The following SULT4A1 variants were observed in gnomAD, a reference collection of about 807,000 sequenced individuals.
SULT4A1 encodes sulfotransferase family 4A member 1.
A neutral mutation model predicts 35.2 loss-of-function variants in SULT4A1; 11 were observed. The ratio of observed to expected loss-of-function variants is 0.31; its 90% CI spans 0.20 to 0.52. The LOEUF (loss-of-function observed/expected upper bound fraction) is 0.52. Ranked by LOEUF, SULT4A1 falls within the 20% of genes least tolerant of loss-of-function variation. The pLI is 0.97. For synonymous variants in SULT4A1, 152 were observed against 151.8 expected (o/e 1.00, Z -0.01); for missense variants, 271 against 383.7 (o/e 0.71, Z 2.45).
At chr22:43,846,346 C>T (rs182135614) in intron 1 of SULT4A1, among the ~76,000 whole-genome samples, 1 of 152,356 alleles carries the variant, frequency 6.6e-6, no homozygotes, top group Non-Finnish European at 1.5e-5. Context: ...CCAGAAAAAG[C>T]CTGCAAATTC....
chr22:43,826,408 G>A, intron 6 of SULT4A1: 1 of 985,396 alleles, frequency 1.0e-6, no homozygotes, highest in Non-Finnish European at 1.2e-6. Context: ...GGGCCCACCA[G>A]GGAGACTCTA....
chr22:43,827,828 C>A (rs539794519), intron 6 of SULT4A1, among the ~76,000 whole-genome samples: 1 of 151,664 alleles, frequency 6.6e-6, no homozygotes, highest in East Asian at 1.9e-4. Context: ...CCAAGGATAA[C>A]AAAACACAGC....
intron 1 of SULT4A1, among the ~76,000 whole-genome samples, chr22:43,847,066 G>A (rs969194779): frequency 6.6e-6 from 1 of 151,860 alleles, no homozygotes; most frequent in East Asian, 1.9e-4. Context: ...AGGTCCACCC[G>A]GCCCTGTCCC....
At chr22:43,842,975 A>ATCTCTCTCTCTCTCTCTCTCTCTCTC (rs695712) in intron 1 of SULT4A1, among the ~76,000 whole-genome samples, 5 of 144,480 alleles carry the variant, frequency 3.5e-5, no homozygotes, top group African/African-American at 1.3e-4. Context: ...AGTAAACAGC[A>ATCTCTCTCTCTCTCTCTCTCTCTCTC]TCTCTCTCTC....
chr22:43,833,602 C>T (rs778226878), intron 5 of SULT4A1, 38 bp downstream of exon 5: 1 of 1,551,522 alleles, frequency 6.4e-7, no homozygotes, highest in Admixed American at 1.9e-5. Context: ...GGCCGAGGGC[C>T]AGGGCACCCG....
At chr22:43,836,869 G>A (rs1450826966) in intron 4 of SULT4A1, among the ~76,000 whole-genome samples, 1 of 152,224 alleles carries the variant, frequency 6.6e-6, no homozygotes. Context: ...GACACTGCAG[G>A]TGCCACAGGG....
intron 4 of SULT4A1, among the ~76,000 whole-genome samples, chr22:43,835,759 C>T (rs2063365915): frequency 1.3e-5 from 2 of 152,212 alleles, no homozygotes; most frequent in Admixed American, 1.3e-4. Flanking sequence ...AGCAAGATGT[C>T]AAAAACAGAC....
chr22:43,856,585 TGGCACA>T (rs1246854368), intron 1 of SULT4A1, among the ~76,000 whole-genome samples: 1 of 152,202 alleles, frequency 6.6e-6, no homozygotes, highest in Non-Finnish European at 1.5e-5. Context: ...AGTCGATCAC[TGGCACA>T]GGGGCAAGAG....
At chr22:43,831,493 C>T (rs74569930) in intron 5 of SULT4A1, among the ~76,000 whole-genome samples, 5,670 of 152,278 alleles carry the variant, frequency 0.037, 142 homozygotes, top group Non-Finnish European at 0.054. Flanking sequence ...CAAGTGCTGA[C>T]GTCCACCAAG....
intron 6 of SULT4A1, chr22:43,827,736 T>C (rs1603403620): frequency 2.5e-6 from 2 of 797,460 alleles, no homozygotes; most frequent in East Asian, 1.2e-4. Context: ...GCACACAGTA[T>C]GTTCTCGACG....
chr22:43,839,713 A>G (rs2063409002), intron 3 of SULT4A1, among the ~76,000 whole-genome samples: 1 of 152,230 alleles, frequency 6.6e-6, no homozygotes, highest in African/African-American at 2.4e-5. Context: ...TAGGCTGGCC[A>G]CAGCCATGTT....
chr22:43,858,138 C>T (rs1482533291), intron 1 of SULT4A1, among the ~76,000 whole-genome samples: 2 of 150,882 alleles, frequency 1.3e-5, no homozygotes, highest in East Asian at 1.9e-4. Flanking sequence ...ACCTGTAATC[C>T]CAGTACTTTG....
chr22:43,849,950 C>T (rs2063500523), intron 1 of SULT4A1, among the ~76,000 whole-genome samples: 2 of 152,228 alleles, frequency 1.3e-5, no homozygotes, highest in Non-Finnish European at 2.9e-5. Context: ...TCCTGCCTCG[C>T]TCACCTGCGT....
At chr22:43,841,956 G>A (rs767350489) in intron 1 of SULT4A1, 24 bp from the exon 2 acceptor site, 30 of 1,608,778 alleles carry the variant, frequency 1.9e-5, no homozygotes, top group South Asian at 6.6e-5. Context: ...GCCCCAGCGC[G>A]GGGTGCTCAG....
chr22:43,826,479 A>G (rs1410506645), intron 6 of SULT4A1: 1 of 985,206 alleles, frequency 1.0e-6, no homozygotes, highest in African/African-American at 1.7e-5. Context: ...GCAGGTGTTT[A>G]ATAAACATCC....
Position 43,841,559 on chromosome 22 carries a change from G to A in SULT4A1, c.300+243C>T, listed in dbSNP as rs989822138. 2.6e-5 allele frequency among the ~76,000 whole-genome samples: 4 copies of A among 152,130 alleles called. No individual in the cohort carries two copies. In the South Asian group the frequency reaches 8.3e-4, roughly 31 times the overall value. Reference sequence around the variant, plus strand: ...TCCCCACAAATGGCCCCTCAGCCCTGTGCCCCCCAGGCATTGACTTCCTTT... The same window carrying A: ...TCCCCACAAATGGCCCCTCAGCCCTATGCCCCCCAGGCATTGACTTCCTTT... On this transcript the variant is annotated intron_variant, in intron 2 of 6. Coordinates refer to ENST00000330884, the MANE Select transcript of SULT4A1 (RefSeq NM_014351.4).
At chr22:43,852,990 G>A (rs138694085) in intron 1 of SULT4A1, among the ~76,000 whole-genome samples, 9 of 151,982 alleles carry the variant, frequency 5.9e-5, no homozygotes, top group African/African-American at 1.4e-4. Flanking sequence ...TCAAACTTTC[G>A]CTCCAGAACC....
intron 4 of SULT4A1, among the ~76,000 whole-genome samples, chr22:43,838,265 C>T (rs559049893): frequency 1.4e-4 from 22 of 152,374 alleles, no homozygotes; most frequent in African/African-American, 5.0e-4. Flanking sequence ...AGCCTCGCTC[C>T]TCCTCAGGGG....
At chr22:43,844,565 C>T (rs2063459901) in intron 1 of SULT4A1, among the ~76,000 whole-genome samples, 1 of 152,226 alleles carries the variant, frequency 6.6e-6, no homozygotes, top group Non-Finnish European at 1.5e-5. Flanking sequence ...TCCGTAGCTT[C>T]CCAATGTTCA....
Sources: allele counts gnomAD v4.1 joint callset (sites outside exome capture counted in the v4.1 genomes callset), GRCh38; gene constraint gnomAD v4.1.1; transcripts MANE v1.5; gene names NCBI Gene and HGNC (gene_info 2026-07-23, HGNC 2026-07-21).